The following COBL variants were observed in gnomAD, a reference collection of about 807,000 sequenced individuals.
COBL encodes the protein cordon-bleu WH2 repeat protein.
In COBL, 51 loss-of-function variants were observed where a neutral mutation model predicts 98.8. That is an observed-to-expected ratio of 0.52 (90% CI 0.41 to 0.65). COBL has a LOEUF of 0.65. Ranked by LOEUF, COBL falls within the 30% of genes least tolerant of loss-of-function variation. The probability of loss-of-function intolerance (pLI) is 0.00; values close to 1 mark genes in which losing one functional copy is unlikely to be tolerated. For missense variants in COBL, 1,617 were observed against 1,617.5 expected (o/e 1.00, Z 0.01); for synonymous variants, 634 against 651.7 (o/e 0.97, Z 0.41).
chr7:51,067,359 T>C (rs1361480291), intron 7 of COBL, among the ~76,000 whole-genome samples: 7 of 152,278 alleles, frequency 4.6e-5, no homozygotes, highest in Admixed American at 4.6e-4. Flanking sequence ...TATGTATGCA[T>C]GTGTATATAT....
chr7:51,020,984 A>G (rs1311809669), intron 12 of COBL: 1 of 152,210 alleles, frequency 6.6e-6, no homozygotes, highest in African/African-American at 2.4e-5. Flanking sequence ...TGGGTGACCA[A>G]TCACCCAATT....
Position 51,065,685 on chromosome 7 carries a change from G to A in COBL, c.1096+19481C>T, listed in dbSNP as rs533580960. On this transcript the variant is annotated intron_variant, in intron 7 of 12. Coordinates refer to ENST00000265136, the MANE Select transcript of COBL (RefSeq NM_015198.5). ...CAACAGAAGCTCTCCAGCCTCTGTC[G>A]TCATCAGCACACAGGCTAATGCACA... Among the ~76,000 whole-genome samples, 5 of 152,346 alleles carry A rather than the reference G, an allele frequency of 3.3e-5. No homozygotes were observed. In the East Asian group the frequency reaches 7.7e-4, roughly 24 times the overall value.
chr7:51,114,773 C>T (rs1214825590), intron 6 of COBL, among the ~76,000 whole-genome samples: 7 of 152,192 alleles, frequency 4.6e-5, no homozygotes, highest in Non-Finnish European at 1.0e-4. Context: ...TGTTACGTCA[C>T]TCTTAATCAT....
intron 5 of COBL, among the ~76,000 whole-genome samples, chr7:51,144,379 C>A (rs1283715822): frequency 6.6e-6 from 1 of 152,152 alleles, no homozygotes; most frequent in African/African-American, 2.4e-5. Context: ...GCCAGACAGG[C>A]TGGCTCTGGG....
intron 4 of COBL, 35 bp from the exon 5 acceptor site, chr7:51,184,234 T>C: frequency 8.2e-7 from 1 of 1,223,486 alleles, no homozygotes; most frequent in East Asian, 2.5e-5. Context: ...TTTTTCAGCA[T>C]CTGAAACAAG....
chr7:51,217,435 G>C (rs929297113), intron 2 of COBL, among the ~76,000 whole-genome samples: 1 of 146,912 alleles, frequency 6.8e-6, no homozygotes, highest in Non-Finnish European at 1.5e-5. Context: ...TCCATCTCCC[G>C]GGTTCAAGTG....
At chr7:51,174,577 G>A (rs1029897001) in intron 5 of COBL, among the ~76,000 whole-genome samples, 2 of 152,114 alleles carry the variant, frequency 1.3e-5, no homozygotes, top group African/African-American at 4.8e-5. Context: ...GACTTCTTGA[G>A]GCCATCTGCT....
At chr7:51,193,128 G>C (rs980110852) in intron 3 of COBL, among the ~76,000 whole-genome samples, 4 of 152,220 alleles carry the variant, frequency 2.6e-5, no homozygotes, top group African/African-American at 9.6e-5. Flanking sequence ...CTAATGGATA[G>C]CTCCACTGTA....
At chr7:51,121,130 C>A (rs928895776) in intron 6 of COBL, among the ~76,000 whole-genome samples, 1 of 152,202 alleles carries the variant, frequency 6.6e-6, no homozygotes, top group African/African-American at 2.4e-5. Flanking sequence ...TTTTACACTC[C>A]CACCAACAAT....
chr7:51,045,192 G>A (rs1444657017), intron 7 of COBL, among the ~76,000 whole-genome samples: 1 of 152,060 alleles, frequency 6.6e-6, no homozygotes, highest in Non-Finnish European at 1.5e-5. Context: ...AAACCAGCAC[G>A]TTTTTTCTGT....
intron 1 of COBL, among the ~76,000 whole-genome samples, chr7:51,243,018 G>C (rs1475487933): frequency 6.6e-6 from 1 of 152,214 alleles, no homozygotes; most frequent in Non-Finnish European, 1.5e-5. Context: ...AGGTATGAAG[G>C]GACACAGAGC....
At chr7:51,289,097 C>A (rs1054243405) in intron 1 of COBL, among the ~76,000 whole-genome samples, 4 of 152,178 alleles carry the variant, frequency 2.6e-5, no homozygotes, top group Admixed American at 6.5e-5. Flanking sequence ...GCATGCCCAC[C>A]GCACTGGTGC....
At chr7:51,221,933 A>G (rs1793685829) in intron 1 of COBL, among the ~76,000 whole-genome samples, 3 of 152,212 alleles carry the variant, frequency 2.0e-5, no homozygotes, top group Non-Finnish European at 4.4e-5. Context: ...CATGCCTGTA[A>G]TCCCAGCATT....
intron 7 of COBL, among the ~76,000 whole-genome samples, chr7:51,084,577 G>A (rs1794018194): frequency 6.6e-6 from 1 of 152,052 alleles, no homozygotes; most frequent in Admixed American, 6.6e-5. Context: ...TAGCACGAGG[G>A]GTGGGCTATG....
intron 1 of COBL, among the ~76,000 whole-genome samples, chr7:51,295,605 C>T (rs1801353485): frequency 6.6e-6 from 1 of 152,106 alleles, no homozygotes; most frequent in Admixed American, 6.5e-5. Flanking sequence ...AACACGACAT[C>T]CTGGAGACAA....
intron 1 of COBL, among the ~76,000 whole-genome samples, chr7:51,255,519 C>A (rs973519905): frequency 2.0e-5 from 3 of 152,182 alleles, no homozygotes; most frequent in Non-Finnish European, 4.4e-5. Context: ...GGAGGGTCTG[C>A]ATATTTGAGG....
Position 51,085,185 on chromosome 7 carries a change from C to G in COBL, c.1077G>C (p.Glu359Asp). The change falls in exon 7 of 13, where the codon GAG becomes GAC. Residue 359 changes from glutamate to aspartate, a missense_variant. Coordinates refer to ENST00000265136, the MANE Select transcript of COBL (RefSeq NM_015198.5). ...ACTCACCCATCGTGCTCTTCCTGTT[C>G]TCCTCCTTATCCTCAGTGCGGTTGG... The part of the protein sequence containing the change: ...LIPNRTEDKE[E>D]NRKSTMVSLP... The G allele has an allele frequency of 1.2e-6, 2 of 1,614,002 alleles. No homozygotes were observed. Among genetic ancestry groups the G allele is most frequent in the Non-Finnish European group, 1.7e-6 (2 of 1,180,012 alleles).
intron 6 of COBL, among the ~76,000 whole-genome samples, chr7:51,097,797 G>A (rs1193808040): frequency 6.6e-6 from 1 of 152,060 alleles, no homozygotes; most frequent in African/African-American, 2.4e-5. Context: ...GCCGAGGCGG[G>A]TGGATCACAA....
At chr7:51,190,409 TCTCA>T (rs1233288146) in intron 4 of COBL, among the ~76,000 whole-genome samples, 1 of 151,820 alleles carries the variant, frequency 6.6e-6, no homozygotes, top group Non-Finnish European at 1.5e-5. Context: ...AGAGACGGGG[TCTCA>T]CTATTTTGTC....
Sources: allele counts gnomAD v4.1 joint callset (sites outside exome capture counted in the v4.1 genomes callset), GRCh38; gene constraint gnomAD v4.1.1; transcripts MANE v1.5; gene names NCBI Gene and HGNC (gene_info 2026-07-23, HGNC 2026-07-21).